The following SYNE2 variants were observed in gnomAD, a reference collection of about 807,000 sequenced individuals.
The protein encoded by SYNE2 is spectrin repeat containing nuclear envelope protein 2.
SYNE2 carries 431 observed loss-of-function variants against 856.3 expected under a neutral mutation model. The observed-to-expected ratio is 0.50, with a 90% CI of 0.47 to 0.55. The LOEUF (loss-of-function observed/expected upper bound fraction) is 0.55, where lower values mean the gene tolerates loss of function less well. SYNE2 is among the 20% of genes least tolerant of loss of function. The pLI, the probability that SYNE2 is intolerant of heterozygous loss-of-function variation, is 0.00. For missense variants in SYNE2, 8,129 were observed against 8,023.2 expected (o/e 1.01, Z -0.50); for synonymous variants, 2,923 against 2,872.3 (o/e 1.02, Z -0.56).
Position 64,052,255 on chromosome 14 carries a change from C to T in SYNE2, c.8342C>T (p.Ser2781Phe). 2 of 1,614,166 alleles carry T rather than the reference C, an allele frequency of 1.2e-6. No individual in the cohort carries two copies. The highest frequency in any genetic ancestry group is 1.7e-6 in the Non-Finnish European group (2 of 1,180,034). The change falls in exon 48 of 116, where the codon TCT becomes TTT. Residue 2781 changes from serine (S) to phenylalanine (F), a missense_variant. Coordinates refer to ENST00000555002, the MANE Select transcript of SYNE2 (RefSeq NM_182914.3). ...GATGGCATTCTAGCTAGGCAGCAGT[C>T]TGTGGAATCGTTGGCTGAAGAGGTC... ...THDGILARQQ[S>F]VESLAEEVKD...
intron 64 of SYNE2, among the ~76,000 whole-genome samples, chr14:64,105,890 T>C (rs1409792173): frequency 6.6e-6 from 1 of 151,798 alleles, no homozygotes; most frequent in Non-Finnish European, 1.5e-5. Context: ...TGAAACCCTG[T>C]CTCTGTAAAA....
At chr14:63,974,171 T>C (rs996239009) in intron 11 of SYNE2, among the ~76,000 whole-genome samples, 1 of 152,234 alleles carries the variant, frequency 6.6e-6, no homozygotes, top group Non-Finnish European at 1.5e-5. Context: ...CCAGGACTTT[T>C]CATTAGAGAA....
intron 6 of SYNE2, among the ~76,000 whole-genome samples, chr14:63,948,674 T>TTA (rs201665164): frequency 0.037 from 3,804 of 102,944 alleles, 318 homozygotes; most frequent in African/African-American, 0.13. Flanking sequence ...AAAAAAAAAA[T>TTA]TATATATATA....
intron 1 of SYNE2, among the ~76,000 whole-genome samples, chr14:63,876,916 C>T (rs1469562719): frequency 6.6e-6 from 1 of 152,214 alleles, no homozygotes; most frequent in African/African-American, 2.4e-5. Flanking sequence ...TCCGTGGATA[C>T]TCAGCCTGTT....
intron 1 of SYNE2, among the ~76,000 whole-genome samples, chr14:63,822,734 GA>G (rs1257514701): frequency 6.6e-6 from 1 of 152,204 alleles, no homozygotes. Context: ...CACAGGGCTG[GA>G]GCTTTGAAAA....
In SYNE2 at chr14:63,895,278, T is replaced by A. The variant is rs190180791; in HGVS notation, c.-51-13820T>A. ...CGCCACCACCCCTGGCTAATTTTTT[T>A]TTTTTTATTTTTAGTAGAGACAGGG... On this transcript the variant is annotated intron_variant, in intron 1 of 115. Transcript: ENST00000555002. 1.6e-3 allele frequency among the ~76,000 whole-genome samples: 241 copies of A among 151,726 alleles called. 1 individual carries two copies. Among genetic ancestry groups the A allele is most frequent in the Middle Eastern group, 3.4e-3 (1 of 294 alleles).
chr14:64,113,323 T>C lies in SYNE2; in HGVS notation c.12610-18T>C. ...TGAAAACTTTGGACTCCCTGGCTTA[T>C]CTTTGGATTTCTCTTAGGGCACCAC... On this transcript the variant is annotated intron_variant, in intron 65 of 115. Coordinates refer to ENST00000555002, the MANE Select transcript of SYNE2 (RefSeq NM_182914.3). 1 of 1,613,310 alleles carries C rather than the reference T, an allele frequency of 6.2e-7. No homozygotes were observed. Among genetic ancestry groups the C allele is most frequent in the Non-Finnish European group, 8.5e-7 (1 of 1,180,002 alleles).
Position 64,052,947 on chromosome 14 carries a change from T to A in SYNE2, c.9034T>A (p.Trp3012Arg), listed in dbSNP as rs373784533. 5.0e-6 allele frequency: 8 copies of A among 1,610,732 alleles called. No homozygotes were observed. The East Asian group carries it at 1.6e-4, about 31-fold the overall frequency. ...AGTGTTTGACTATATTGGACTAAAC[T>A]GGGATTTTTCACAACTTGACCAATT... ...KKVFDYIGLN[W>R]DFSQLDQLQT... The change falls in exon 48 of 116, where the codon TGG (tryptophan) becomes AGG (arginine). Residue 3012 changes from tryptophan (W) to arginine (R), a missense_variant. Trp to Arg is a moderately radical substitution (Grantham distance 101). Around this residue, in one of 3 missense-constraint regions of SYNE2, gnomAD observed 5,410 missense variants for 5,284.8 expected, o/e 1.02. Coordinates refer to ENST00000555002, the MANE Select transcript of SYNE2 (RefSeq NM_182914.3).
intron 2 of SYNE2, among the ~76,000 whole-genome samples, chr14:63,913,546 T>G (rs1231413561): frequency 6.6e-6 from 1 of 151,122 alleles, no homozygotes; most frequent in Non-Finnish European, 1.5e-5. Flanking sequence ...CACTGCAACC[T>G]CCGCCTCCAG....
chr14:64,221,844 T>C (rs1419854223), intron 112 of SYNE2, 140 bp downstream of exon 112: 1 of 1,035,886 alleles, frequency 9.7e-7, no homozygotes, highest in Admixed American at 1.9e-5. Context: ...TCAGCCCTAG[T>C]GTTCCTCCAG....
chr14:63,942,162 T>C lies in SYNE2; in HGVS notation c.408+19T>C. The C allele has an allele frequency of 1.4e-6, 2 of 1,436,730 alleles. No homozygotes were observed. Among genetic ancestry groups the C allele is most frequent in the East Asian group, 2.3e-5 (1 of 44,076 alleles). The allele number at this position is 1,436,730 out of a possible 1,614,324, so 89.0% of individuals were successfully genotyped here. A position where few individuals can be genotyped will look rare whatever the true frequency, so the allele number is the denominator to read the frequency against. On this transcript the variant is annotated intron_variant, in intron 6 of 115. Transcript: ENST00000555002. ...CTTTCATGTAAGTAGTTTGATGATATAAAAATTATTTCTACCCTACCACAG... is the reference window on the plus strand; with the variant it reads ...CTTTCATGTAAGTAGTTTGATGATACAAAAATTATTTCTACCCTACCACAG...
chr14:64,126,503 T>C, intron 72 of SYNE2, 24 bp downstream of exon 72: 1 of 1,614,104 alleles, frequency 6.2e-7, no homozygotes, highest in Non-Finnish European at 8.5e-7. Context: ...CACGAGCCCA[T>C]GTGTTGGCCA....
intron 1 of SYNE2, among the ~76,000 whole-genome samples, chr14:63,763,259 C>T (rs556404120): frequency 6.6e-6 from 1 of 152,212 alleles, no homozygotes; most frequent in Non-Finnish European, 1.5e-5. Flanking sequence ...TGAGCCACCA[C>T]GCCTGGCCAA....
At chr14:63,984,971 C>T (rs1036949709) in intron 18 of SYNE2, among the ~76,000 whole-genome samples, 4 of 151,944 alleles carry the variant, frequency 2.6e-5, no homozygotes, top group Admixed American at 6.6e-5. Flanking sequence ...ACCTGGGCAA[C>T]GTAGTGAAAC....
rs1379469498 is a variant in SYNE2, at chr14:64,052,321, A to G, written c.8408A>G (p.Asp2803Gly). 7.4e-6 allele frequency: 12 copies of G among 1,614,114 alleles called. No individual in the cohort carries two copies. The highest frequency in any genetic ancestry group is 1.0e-5 in the Non-Finnish European group (12 of 1,180,048). ...AGCCTTACAACCTATGAGGGCAGTG[A>G]TTTAAATAATACCCTAGAGGACTTA... ...VPSLTTYEGS[D>G]LNNTLEDLRN... is the part of the protein sequence containing the mutation. The change falls in exon 48 of 116, where the codon GAT (aspartate) becomes GGT (glycine). Residue 2803 changes from aspartate to glycine, a missense_variant. This residue lies in a region of SYNE2 where 5,410 missense variants were observed against 5,284.8 expected (regional missense o/e 1.02). Coordinates refer to ENST00000555002, the MANE Select transcript of SYNE2 (RefSeq NM_182914.3).
At chr14:63,957,233 G>A (rs2096251785) in intron 8 of SYNE2, among the ~76,000 whole-genome samples, 1 of 149,834 alleles carries the variant, frequency 6.7e-6, no homozygotes. Context: ...CAGTAGCTGG[G>A]ACTACAGGTG....
At chr14:64,187,911 T>C (rs899863615) in intron 97 of SYNE2, among the ~76,000 whole-genome samples, 1 of 152,234 alleles carries the variant, frequency 6.6e-6, no homozygotes, top group Non-Finnish European at 1.5e-5. Flanking sequence ...GGGTTACTTA[T>C]GCATAATGGG....
intron 1 of SYNE2, among the ~76,000 whole-genome samples, chr14:63,855,070 A>G (rs1891381095): frequency 6.6e-6 from 1 of 152,236 alleles, no homozygotes; most frequent in Non-Finnish European, 1.5e-5. Flanking sequence ...TCTGAATAAT[A>G]ATAGTTACTC....
In SYNE2 at chr14:64,031,202, T is replaced by C. The variant is rs1218919969; in HGVS notation, c.7066T>C (p.Cys2356Arg). 1.2e-6 allele frequency: 2 copies of C among 1,614,228 alleles called. No homozygotes were observed. The highest frequency in any genetic ancestry group is 1.3e-5 in the African/African-American group (1 of 75,072). ...LASAKQEMEC[C>R]LNSILKSKRS... ...ATCTGCTAAGCAGGAGATGGAATGT[T>C]GTCTCAACAGCATTCTCAAATCAAA... The change falls in exon 45 of 116, where the codon TGT (cysteine) becomes CGT (arginine). Residue 2356 changes from cysteine (C) to arginine (R), a missense_variant. This residue lies in a region of SYNE2 where 297 missense variants were observed against 380.9 expected (regional missense o/e 0.78). Transcript: ENST00000555002.
Sources: allele counts gnomAD v4.1 joint callset (sites outside exome capture counted in the v4.1 genomes callset), GRCh38; gene constraint gnomAD v4.1.1; regional missense constraint gnomAD v4.1.1; transcripts MANE v1.5; gene names NCBI Gene and HGNC (gene_info 2026-07-23, HGNC 2026-07-21).